MARCHF1: variants seen among roughly 807,000 people sequenced by gnomAD.
The protein encoded by MARCHF1 is membrane associated ring-CH-type finger 1.
MARCHF1 carries 40 observed loss-of-function variants against 54.2 expected under a neutral mutation model. The ratio of observed to expected loss-of-function variants is 0.74; its 90% CI spans 0.57 to 0.96. The LOEUF (loss-of-function observed/expected upper bound fraction) is 0.96, where lower values mean the gene tolerates loss of function less well. Among genes scored for constraint, MARCHF1 ranks in the 40% least tolerant of loss-of-function variants. The pLI is 0.00. For missense variants in MARCHF1, 586 were observed against 656.5 expected (o/e 0.89, Z 1.17); for synonymous variants, 236 against 236.3 (o/e 1.00, Z 0.01).
At chr4:163,727,094 T>G (rs1354254300) in intron 4 of MARCHF1, among the ~76,000 whole-genome samples, 2 of 152,200 alleles carry the variant, frequency 1.3e-5, no homozygotes, top group African/African-American at 4.8e-5. Context: ...TGTGTTTTTT[T>G]CTTTCATGAA....
chr4:164,017,940 T>C (rs1161304580), intron 2 of MARCHF1, among the ~76,000 whole-genome samples: 2 of 151,626 alleles, frequency 1.3e-5, no homozygotes, highest in Non-Finnish European at 2.9e-5. Flanking sequence ...GTGGTGTAGG[T>C]ATATGGATGG....
At chr4:164,181,623 A>C (rs1730836408) in intron 1 of MARCHF1, among the ~76,000 whole-genome samples, 1 of 152,206 alleles carries the variant, frequency 6.6e-6, no homozygotes, top group Admixed American at 6.5e-5. Context: ...CTTTTCTATA[A>C]TGAGCAGTGC....
chr4:164,003,356 G>A (rs1753222863), intron 2 of MARCHF1, among the ~76,000 whole-genome samples: 1 of 151,996 alleles, frequency 6.6e-6, no homozygotes, highest in Non-Finnish European at 1.5e-5. Context: ...TATATTAAAT[G>A]TAAATGGTAT....
At chr4:163,794,828 A>G (rs1461397801) in intron 4 of MARCHF1, among the ~76,000 whole-genome samples, 1 of 152,172 alleles carries the variant, frequency 6.6e-6, no homozygotes, top group Non-Finnish European at 1.5e-5. Flanking sequence ...TTGAAACAGA[A>G]CACATGAACA....
Position 163,652,693 on chromosome 4 carries a change from T to A in MARCHF1, c.163-39300A>T, listed in dbSNP as rs76569719. On this transcript the variant is annotated intron_variant, in intron 5 of 9. Coordinates refer to ENST00000514618, the MANE Select transcript of MARCHF1 (RefSeq NM_001394959.1). ...ACCGTATCTTTCAATATACCTTTTA[T>A]TTCTTCTAAGTGTTCCATAAAAGTT... Among the ~76,000 whole-genome samples the A allele has an allele frequency of 5.5e-3, 842 of 151,960 alleles. 9 individuals carry two copies. The highest frequency in any genetic ancestry group is 0.019 in the African/African-American group (774 of 41,528).
chr4:164,305,496 T>C (rs1161666304), intron 1 of MARCHF1, among the ~76,000 whole-genome samples: 2 of 152,110 alleles, frequency 1.3e-5, no homozygotes, highest in Non-Finnish European at 1.5e-5. Context: ...ATTAACAGCA[T>C]GACCAAATAA....
chr4:164,336,481 T>C (rs373334502), intron 1 of MARCHF1, among the ~76,000 whole-genome samples: 1 of 152,208 alleles, frequency 6.6e-6, no homozygotes, highest in Non-Finnish European at 1.5e-5. Flanking sequence ...TTATAATACA[T>C]TGCAAAAGTT....
chr4:163,920,625 C>T (rs1466131955), intron 3 of MARCHF1, among the ~76,000 whole-genome samples: 1 of 152,164 alleles, frequency 6.6e-6, no homozygotes, highest in Non-Finnish European at 1.5e-5. Flanking sequence ...GTGCGCTATG[C>T]TCTCAGTATG....
At chr4:163,800,711 C>CT (rs1203985406) in intron 4 of MARCHF1, among the ~76,000 whole-genome samples, 2 of 152,108 alleles carry the variant, frequency 1.3e-5, no homozygotes, top group Non-Finnish European at 2.9e-5. Flanking sequence ...TTATGTCACA[C>CT]TTTACTTTTC....
chr4:163,767,877 A>G lies in MARCHF1; in HGVS notation c.112-67014T>C, dbSNP rs527629435. 9.2e-5 allele frequency among the ~76,000 whole-genome samples: 14 copies of G among 152,302 alleles called. No homozygotes were observed. In the South Asian group the frequency reaches 2.7e-3, roughly 29 times the overall value. Reference sequence around the variant, plus strand: ...TTTCTGCACATTTATAATTTTTCTAAACTCACAAATGTTACCACCAATGAC... The same window carrying G: ...TTTCTGCACATTTATAATTTTTCTAGACTCACAAATGTTACCACCAATGAC... On this transcript the variant is annotated intron_variant, in intron 4 of 9. Coordinates refer to ENST00000514618, the MANE Select transcript of MARCHF1 (RefSeq NM_001394959.1).
At chr4:164,064,207 T>G (rs1201130212) in intron 2 of MARCHF1, among the ~76,000 whole-genome samples, 2 of 152,238 alleles carry the variant, frequency 1.3e-5, no homozygotes, top group African/African-American at 4.8e-5. Context: ...AGAATGTCAA[T>G]TGTAATTTAA....
chr4:163,911,259 T>G (rs1380246436), intron 3 of MARCHF1, among the ~76,000 whole-genome samples: 2 of 152,166 alleles, frequency 1.3e-5, no homozygotes, highest in Non-Finnish European at 2.9e-5. Context: ...TTGGTGGGTT[T>G]GGAAGAAGAA....
chr4:163,714,862 T>C (rs1005891782), intron 4 of MARCHF1, among the ~76,000 whole-genome samples: 2 of 152,026 alleles, frequency 1.3e-5, no homozygotes, highest in African/African-American at 4.8e-5. Flanking sequence ...TTTTATTTTT[T>C]GTGGAGGCAA....
chr4:164,190,701 T>G (rs1209540318), intron 1 of MARCHF1, among the ~76,000 whole-genome samples: 1 of 152,184 alleles, frequency 6.6e-6, no homozygotes, highest in Non-Finnish European at 1.5e-5. Flanking sequence ...AAGAATACTT[T>G]CCCAAAGGAA....
chr4:163,858,108 G>C (rs981826775), intron 3 of MARCHF1, among the ~76,000 whole-genome samples: 37 of 138,422 alleles, frequency 2.7e-4, no homozygotes, highest in African/African-American at 9.9e-4. Flanking sequence ...GGGTGGGGGG[G>C]GGGGGGCATC....
chr4:163,817,488 A>C (rs947855606), intron 4 of MARCHF1, among the ~76,000 whole-genome samples: 2 of 150,674 alleles, frequency 1.3e-5, no homozygotes, highest in African/African-American at 4.9e-5. Flanking sequence ...ACACATATCC[A>C]TCATGTTTCA....
intron 1 of MARCHF1, among the ~76,000 whole-genome samples, chr4:164,312,535 G>C (rs1734885164): frequency 6.6e-6 from 1 of 151,770 alleles, no homozygotes; most frequent in Admixed American, 6.6e-5. Context: ...TGTTAGCCAG[G>C]ATGGTCTCGA....
At chr4:164,372,504 C>A in intron 1 of MARCHF1, among the ~76,000 whole-genome samples, 1 of 152,006 alleles carries the variant, frequency 6.6e-6, no homozygotes, top group East Asian at 1.9e-4. Context: ...AGGGGAGCAT[C>A]CACTTTTCAG....
chr4:164,082,047 A>G (rs959267833), intron 2 of MARCHF1, among the ~76,000 whole-genome samples: 1 of 152,180 alleles, frequency 6.6e-6, no homozygotes, highest in African/African-American at 2.4e-5. Flanking sequence ...CAGGCAGGCA[A>G]CTTACTCATG....
Sources: gnomAD v4.1 joint callset for allele counts (sites outside exome capture counted in the v4.1 genomes callset) on GRCh38, gnomAD v4.1.1 for gene constraint, MANE v1.5 for transcripts, NCBI Gene and HGNC (gene_info 2026-07-23, HGNC 2026-07-21) for gene names.